Variants in LIMCH1 observed in about 807,000 individuals in gnomAD.
LIMCH1 encodes the protein LIM and calponin homology domains 1, also known as LIM and calponin homology domains-containing protein 1.
LIMCH1 carries 113 observed loss-of-function variants against 176.5 expected under a neutral mutation model. The observed-to-expected ratio is 0.64, with a 90% confidence interval of 0.55 to 0.75. LIMCH1 has a LOEUF of 0.75. LIMCH1 is among the 30% of genes least tolerant of loss of function. LIMCH1 has a pLI of 0.00. For missense variants in LIMCH1, 1,674 were observed against 1,814.9 expected, an observed-to-expected ratio of 0.92 and a Z score of 1.41; for synonymous variants, 619 against 645.9, an observed-to-expected ratio of 0.96 and a Z score of 0.63.
At chr4:41,576,975 C>A (rs1200432645) in intron 1 of LIMCH1, among the ~76,000 whole-genome samples, 1 of 152,082 alleles carries the variant, frequency 6.6e-6, no homozygotes, top group Admixed American at 6.6e-5. Context: ...TCTGCATGTG[C>A]AACCAAATGC....
chr4:41,403,235 T>C (rs920918105), intron 1 of LIMCH1, among the ~76,000 whole-genome samples: 3 of 152,068 alleles, frequency 2.0e-5, no homozygotes, highest in African/African-American at 4.8e-5. Context: ...AATTTCCTGG[T>C]TGATTTATAG....
chr4:41,572,321 G>A (rs954008071), intron 1 of LIMCH1, among the ~76,000 whole-genome samples: 3 of 152,090 alleles, frequency 2.0e-5, no homozygotes, highest in Non-Finnish European at 2.9e-5. Context: ...AAAATTTGAC[G>A]ATTGGCAATA....
chr4:41,645,976 T>G, intron 15 of LIMCH1, 147 bp from the exon 16 acceptor site: 1 of 752,460 alleles, frequency 1.3e-6, no homozygotes, highest in Non-Finnish European at 2.1e-6. Context: ...CAGACTTACA[T>G]TGGATTGTGT....
At chr4:41,472,353 C>A (rs1445731882) in intron 1 of LIMCH1, among the ~76,000 whole-genome samples, 1 of 146,460 alleles carries the variant, frequency 6.8e-6, no homozygotes, top group Non-Finnish European at 1.5e-5. Context: ...TCCCTCCCTG[C>A]CCCTCCCTTC....
At chr4:41,412,585 A>G (rs1037594891) in intron 1 of LIMCH1, among the ~76,000 whole-genome samples, 3 of 152,216 alleles carry the variant, frequency 2.0e-5, no homozygotes, top group African/African-American at 7.2e-5. Context: ...ATGCATGTGT[A>G]TGGGAAAGTC....
At chr4:41,485,150 A>G in intron 1 of LIMCH1, among the ~76,000 whole-genome samples, 1 of 152,134 alleles carries the variant, frequency 6.6e-6, no homozygotes, top group Non-Finnish European at 1.5e-5. Context: ...AAAGTCCCCC[A>G]TGTTTCTTAT....
At position 41,631,381 on chromosome 4, in the gene LIMCH1, A is replaced by C; in HGVS notation, c.1505A>C (p.His502Pro). 1 of 1,536,262 alleles carries C rather than the reference A, an allele frequency of 6.5e-7. No homozygotes were observed. The highest frequency in any genetic ancestry group is 8.7e-7 in the Non-Finnish European group (1 of 1,146,934). ...PREDEEEVIC[H>P]GSKIQMDSVS... is the part of the protein sequence containing the mutation. ...GAGGATGAAGAAGAAGTCATCTGTC[A>C]TGGCAGCAAGATTCAAATGGACTCT... The change falls in exon 10 of 32, where the codon CAT becomes CCT. Residue 502 changes from histidine (H) to proline (P), a missense_variant. This residue lies in a region of LIMCH1 where 655 missense variants were observed against 692.2 expected (regional missense o/e 0.95). Coordinates refer to ENST00000503057, the MANE Select transcript of LIMCH1 (RefSeq NM_001330672.2).
At chr4:41,582,118 ATG>A (rs1180544846) in intron 1 of LIMCH1, among the ~76,000 whole-genome samples, 1 of 152,224 alleles carries the variant, frequency 6.6e-6, no homozygotes, top group African/African-American at 2.4e-5. Flanking sequence ...CTTGCTTAAA[ATG>A]TGTAGTGTGC....
At chr4:41,368,592 AT>A (rs2053474104) in intron 1 of LIMCH1, among the ~76,000 whole-genome samples, 1 of 152,170 alleles carries the variant, frequency 6.6e-6, no homozygotes, top group African/African-American at 2.4e-5. Context: ...ATTGATGATG[AT>A]TTATTGAGAA....
intron 18 of LIMCH1, among the ~76,000 whole-genome samples, chr4:41,652,568 C>G (rs991510176): frequency 6.6e-6 from 1 of 152,188 alleles, no homozygotes; most frequent in East Asian, 1.9e-4. Flanking sequence ...TTAACTTATG[C>G]TGTTAAAATT....
At chr4:41,485,259 C>T (rs762527808) in intron 1 of LIMCH1, among the ~76,000 whole-genome samples, 32 of 152,170 alleles carry the variant, frequency 2.1e-4, no homozygotes, top group Admixed American at 4.6e-4. Flanking sequence ...TGAGCTTCCT[C>T]AATAATTACT....
intron 18 of LIMCH1, among the ~76,000 whole-genome samples, chr4:41,650,999 T>TTTA (rs974465210): frequency 1.3e-5 from 2 of 150,974 alleles, no homozygotes; most frequent in African/African-American, 4.9e-5. Context: ...ATTTCCCTAT[T>TTTA]TTATTTTATT....
intron 22 of LIMCH1, 148 bp downstream of exon 22, chr4:41,671,742 C>T: frequency 1.6e-6 from 1 of 623,726 alleles, no homozygotes; most frequent in African/African-American, 1.9e-5. Flanking sequence ...GCGGGTGGAT[C>T]ACGAGGTCAG....
intron 14 of LIMCH1, among the ~76,000 whole-genome samples, chr4:41,642,450 A>C (rs2093863065): frequency 6.6e-6 from 1 of 152,202 alleles, no homozygotes; most frequent in Non-Finnish European, 1.5e-5. Flanking sequence ...CAAATTTCTT[A>C]ATCTTTCTTA....
intron 1 of LIMCH1, among the ~76,000 whole-genome samples, chr4:41,494,078 T>C (rs1289236124): frequency 2.6e-5 from 4 of 152,078 alleles, no homozygotes; most frequent in Non-Finnish European, 5.9e-5. Context: ...GGCCTTGACT[T>C]ATTGTGCCCA....
intron 1 of LIMCH1, among the ~76,000 whole-genome samples, chr4:41,424,820 C>T (rs953747533): frequency 6.6e-6 from 1 of 152,156 alleles, no homozygotes; most frequent in African/African-American, 2.4e-5. Context: ...ATTGGATTCC[C>T]CTGGGCCAGA....
At chr4:41,662,552 G>A (rs892263873) in intron 19 of LIMCH1, among the ~76,000 whole-genome samples, 3 of 152,184 alleles carry the variant, frequency 2.0e-5, no homozygotes, top group African/African-American at 4.8e-5. Context: ...TTATTCAGAT[G>A]TAAACCGTGA....
At chr4:41,420,439 G>GGT (rs1417507002) in intron 1 of LIMCH1, among the ~76,000 whole-genome samples, 1 of 152,146 alleles carries the variant, frequency 6.6e-6, no homozygotes, top group Non-Finnish European at 1.5e-5. Context: ...TTGGATTCAG[G>GGT]GTGTAGGACC....
At chr4:41,432,669 A>G (rs1442395825) in intron 1 of LIMCH1, among the ~76,000 whole-genome samples, 1 of 152,210 alleles carries the variant, frequency 6.6e-6, no homozygotes, top group African/African-American at 2.4e-5. Context: ...TAAGGTAAAC[A>G]TTAAGGCCTG....
Sources: gnomAD v4.1 joint callset for allele counts (sites outside exome capture counted in the v4.1 genomes callset) on GRCh38, gnomAD v4.1.1 for gene constraint, gnomAD v4.1.1 regional missense constraint, MANE v1.5 for transcripts, NCBI Gene and HGNC (gene_info 2026-07-23, HGNC 2026-07-21) for gene names.